The following PRSS23 variants were observed in gnomAD, a reference collection of about 807,000 sequenced individuals.
The protein encoded by PRSS23 is protease, serine 23.
Under a neutral mutation model 34.7 loss-of-function variants are expected in PRSS23, and 25 were observed. The observed-to-expected ratio is 0.72, with a 90% CI of 0.53 to 1.01. The LOEUF is 1.01. Ranked by LOEUF, PRSS23 falls within the 50% of genes least tolerant of loss-of-function variation. The probability of loss-of-function intolerance (pLI) is 0.00; values close to 1 mark genes in which losing one functional copy is unlikely to be tolerated. For synonymous variants in PRSS23, 176 were observed against 186.6 expected (o/e 0.94, Z 0.46); for missense variants, 445 against 475.6 (o/e 0.94, Z 0.60).
chr11:86,837,781 A>G (rs11604205), intron 2 of PRSS23, among the ~76,000 whole-genome samples: 13,756 of 152,214 alleles, frequency 0.09, 843 homozygotes, highest in Non-Finnish European at 0.13. Context: ...AAAGAGAGAA[A>G]GTTTTAGTTA....
At chr11:86,800,510 G>T (rs2135592350), upstream of PRSS23, 1 of 984,382 alleles carries the variant, frequency 1.0e-6, no homozygotes, top group South Asian at 4.7e-5. Flanking sequence ...GGGCGGACCC[G>T]CCAGCTGCCT....
In PRSS23 at chr11:86,807,935, G is replaced by C; in HGVS notation, c.292G>C (p.Glu98Gln). The C allele has an allele frequency of 6.2e-7, 1 of 1,614,186 alleles. No homozygotes were observed. The highest frequency in any genetic ancestry group is 2.2e-5 in the East Asian group (1 of 44,876). ...ETLYANGSRT[E>Q]TQVGIYILSS... ...GCTCTATGCCAATGGCAGCCGCACA[G>C]AGACGCAGGTGGGCATCTACATCCT... The change falls in exon 2 of 2, where the codon GAG becomes CAG. Residue 98 changes from glutamate to glutamine, a missense_variant. Glu to Gln is a conservative substitution (Grantham distance 29). Coordinates refer to ENST00000280258, the MANE Select transcript of PRSS23 (RefSeq NM_007173.6).
chr11:86,902,502 A>C (rs1031155651), intron 2 of PRSS23, among the ~76,000 whole-genome samples: 3 of 152,178 alleles, frequency 2.0e-5, no homozygotes, highest in Non-Finnish European at 4.4e-5. Flanking sequence ...AAGACTTCTG[A>C]AACAGATTTT....
chr11:86,921,500 C>G (rs1201250660), intron 2 of PRSS23: 4 of 152,194 alleles, frequency 2.6e-5, no homozygotes, highest in Non-Finnish European at 1.5e-5. Flanking sequence ...TTCAGCCAGG[C>G]AAGCCTCACA....
At chr11:86,938,758 GGAGT>G in intron 2 of PRSS23, among the ~76,000 whole-genome samples, 1 of 151,984 alleles carries the variant, frequency 6.6e-6, no homozygotes, top group Non-Finnish European at 1.5e-5. Flanking sequence ...GGGTGGGGCT[GGAGT>G]GAGGGCAGCC....
chr11:86,804,820 GT>G (rs1273796815), intron 1 of PRSS23, among the ~76,000 whole-genome samples: 1 of 152,202 alleles, frequency 6.6e-6, no homozygotes, highest in African/African-American at 2.4e-5. Context: ...GAGTAAGGCT[GT>G]GGCTCATGAA....
intron 2 of PRSS23, among the ~76,000 whole-genome samples, chr11:86,878,507 C>T (rs988179852): frequency 7.2e-5 from 11 of 152,134 alleles, no homozygotes; most frequent in African/African-American, 1.9e-4. Flanking sequence ...GCGAGTGATC[C>T]GCCAGCCTCG....
chr11:86,796,680 A>G (rs1203287876), upstream of PRSS23, among the ~76,000 whole-genome samples: 1 of 151,956 alleles, frequency 6.6e-6, no homozygotes, highest in Non-Finnish European at 1.5e-5. Flanking sequence ...ACATAATAAA[A>G]TATACTCCAC....
intron 2 of PRSS23, among the ~76,000 whole-genome samples, chr11:86,859,260 C>CCT (rs747946157): frequency 0.39 from 59,118 of 151,372 alleles, 11,925 homozygotes; most frequent in African/African-American, 0.49. Flanking sequence ...TGATTTAGTT[C>CCT]AGGTGATATC....
chr11:86,923,712 G>A (rs998633480), intron 2 of PRSS23, among the ~76,000 whole-genome samples: 1 of 152,140 alleles, frequency 6.6e-6, no homozygotes, highest in African/African-American at 2.4e-5. Flanking sequence ...CTGTTATTTA[G>A]TCTGTATAAC....
chr11:86,833,109 C>G (rs1948373626), intron 2 of PRSS23: 2 of 637,684 alleles, frequency 3.1e-6, no homozygotes, highest in Non-Finnish European at 5.8e-6. Flanking sequence ...GGCCCTCACA[C>G]TCAGGAGCAT....
chr11:86,930,411 C>CA (rs1419561306), intron 2 of PRSS23, among the ~76,000 whole-genome samples: 7 of 152,320 alleles, frequency 4.6e-5, no homozygotes, highest in Non-Finnish European at 1.0e-4. Context: ...CTAACTTAGT[C>CA]TACAGGGCCT....
chr11:86,821,608 A>G, intron 1 of PRSS23: 2 of 1,603,382 alleles, frequency 1.2e-6, no homozygotes, highest in Admixed American at 1.7e-5. Context: ...ATTCCCTTAA[A>G]TGTTCATACT....
At position 86,823,652 on chromosome 11, in the gene PRSS23, T is replaced by C. The variant is rs1948271351; in HGVS notation, c.206+59T>C. ...GCTTAATGGTGCTTAAATCTTTTCA[T>C]GTTTCCACATTTTCTAATGCATTTT... is the stretch of plus-strand genomic sequence containing the variant. On this transcript the variant is annotated intron_variant, in intron 2 of 2. Transcript: ENST00000533902. The C allele has an allele frequency of 4.3e-6, 3 of 692,818 alleles. No homozygotes were observed. The South Asian group carries it at 4.5e-5, about 10-fold the overall frequency. The allele number at this position is 692,818 out of a possible 1,614,324, so 42.9% of individuals were successfully genotyped here.
intron 2 of PRSS23, chr11:86,950,992 G>A (rs1230591805): frequency 4.9e-6 from 4 of 808,734 alleles, no homozygotes; most frequent in African/African-American, 1.7e-5. Flanking sequence ...TGCTGGGGTC[G>A]GGGTGGGAGG....
exon 3 of PRSS23, chr11:86,951,978 T>A (rs1949296800): frequency 1.9e-6 from 3 of 1,613,820 alleles, no homozygotes; most frequent in African/African-American, 2.7e-5. Context: ...TTATAGCACA[T>A]ACTGAGAAAT....
chr11:86,865,857 G>A (rs1050373222), intron 2 of PRSS23, among the ~76,000 whole-genome samples: 8 of 152,294 alleles, frequency 5.3e-5, no homozygotes, highest in African/African-American at 1.9e-4. Flanking sequence ...AATGGAAAAA[G>A]CCAACAGCTT....
intron 2 of PRSS23, among the ~76,000 whole-genome samples, chr11:86,914,434 G>A (rs1948999581): frequency 6.6e-6 from 1 of 152,184 alleles, no homozygotes; most frequent in Non-Finnish European, 1.5e-5. Flanking sequence ...TGGAAGGTGA[G>A]GAAGAGCACA....
chr11:86,814,017 G>T (rs1323493842), downstream of PRSS23, among the ~76,000 whole-genome samples: 1 of 152,188 alleles, frequency 6.6e-6, no homozygotes, highest in Non-Finnish European at 1.5e-5. Context: ...GCTTGGCTTG[G>T]GGCCTGAGCA....
Sources: gnomAD v4.1 joint callset for allele counts (sites outside exome capture counted in the v4.1 genomes callset) on GRCh38, gnomAD v4.1.1 for gene constraint, MANE v1.5 for transcripts, NCBI Gene and HGNC (gene_info 2026-07-23, HGNC 2026-07-21) for gene names.